Variants in MED16 observed in about 807,000 individuals in gnomAD.
MED16 encodes mediator complex subunit 16.
In MED16, 81 loss-of-function variants were observed where a neutral mutation model predicts 84.4. The ratio of observed to expected loss-of-function variants is 0.96; its 90% confidence interval spans 0.80 to 1.15. The LOEUF (loss-of-function observed/expected upper bound fraction) is 1.15. Ranked by LOEUF, MED16 falls within the 50% of genes most tolerant of loss-of-function variation. The pLI, the probability that MED16 is intolerant of heterozygous loss-of-function variation, is 0.00. For synonymous variants in MED16, 897 were observed against 552.2 expected (o/e 1.62, Z -8.76); for missense variants, 1,585 against 1,245.9 (o/e 1.27, Z -4.10).
chr19:870,566 CAAAAAAAAA>C (rs1227950208), intron 13 of MED16, among the ~76,000 whole-genome samples: 1 of 103,702 alleles, frequency 9.6e-6, no homozygotes, highest in Admixed American at 1.1e-4. Flanking sequence ...GTCGGGGAGA[CAAAAAAAAA>C]AAAAAAAAGG....
intron 7 of MED16, among the ~76,000 whole-genome samples, chr19:880,708 T>A (rs2036402658): frequency 6.6e-6 from 1 of 152,058 alleles, no homozygotes; most frequent in African/African-American, 2.4e-5. Context: ...TTGCCTGAGC[T>A]CAGGGGTTCG....
intron 3 of MED16, 136 bp from the exon 4 acceptor site, chr19:889,943 G>GC: frequency 1.9e-6 from 2 of 1,067,122 alleles, no homozygotes; most frequent in Non-Finnish European, 1.3e-6. Flanking sequence ...GTGGCACAAG[G>GC]CGCACTCCAG....
At chr19:889,361 C>T (rs73505582) in intron 4 of MED16, among the ~76,000 whole-genome samples, 2,771 of 151,810 alleles carry the variant, frequency 0.018, 74 homozygotes, top group African/African-American at 0.063. Context: ...AGATAACTCA[C>T]TAAGAACGGC....
chr19:876,105 G>A lies in MED16; in HGVS notation c.1561-651C>T, dbSNP rs1020497035. Among the ~76,000 whole-genome samples, 3 of 152,192 alleles carry A rather than the reference G, an allele frequency of 2.0e-5. No homozygotes were observed. The East Asian group carries it at 5.8e-4, about 29-fold the overall frequency. On this transcript the variant is annotated intron_variant, in intron 9 of 15. Transcript: ENST00000325464. The stretch of plus-strand genomic sequence containing the variant: ...CTCGCAGCCCCCGCCTGGGTCTCAC[G>A]CGTTTCTCGGCAGGCTGTGCCGTGA...
At chr19:875,216 G>C (rs975336643) in intron 10 of MED16, 28 bp downstream of exon 10, 7 of 1,458,898 alleles carry the variant, frequency 4.8e-6, no homozygotes, top group Non-Finnish European at 6.5e-6. Flanking sequence ...AAGAAACCTC[G>C]AGGCCCCGGG....
In MED16 at chr19:873,588, A is replaced by G. The variant is rs774869125; in HGVS notation, c.1772-6T>C. 6.2e-7 allele frequency: 1 copy of G among 1,611,958 alleles called. No homozygotes were observed. The highest frequency in any genetic ancestry group is 8.5e-7 in the Non-Finnish European group (1 of 1,179,588). ...GATCATGACCTTGTCAATGTCTACA[A>G]GGAGACGTGGGTCGGGTCAGCTCGG... On this transcript the variant is annotated splice_polypyrimidine_tract_variant and splice_region_variant and intron_variant, in intron 10 of 15. Coordinates refer to ENST00000325464, the MANE Select transcript of MED16 (RefSeq NM_005481.3).
rs763877714 is a variant in MED16 at position 889,704 on chromosome 19, C to T, written c.381G>A (p.Glu127=). The T allele has an allele frequency of 6.2e-6, 10 of 1,613,858 alleles. No individual in the cohort carries two copies. The East Asian group carries it at 2.0e-4, about 32-fold the overall frequency. ...AGGACAGGGCCACAATGGGGTCCCCCTCCACTAGGCTGCCCACTGAGCTCT... is the reference window on the plus strand; with the variant it reads ...AGGACAGGGCCACAATGGGGTCCCCTTCCACTAGGCTGCCCACTGAGCTCT... ...SWESSVGSLV[E]GDPIVALSWL... is the part of the protein sequence containing the mutation. The change falls in exon 4 of 16, where the codon GAG becomes GAA. Residue 127 remains glutamate (E), a synonymous_variant. Coordinates refer to ENST00000325464, the MANE Select transcript of MED16 (RefSeq NM_005481.3).
rs541515071 is a variant in MED16 at position 885,650 on chromosome 19, G to A, written c.879+120C>T. ...CCCCTGGAGCCCCCGGGAGGGACCG[G>A]CCCTGCCCACACCACGGTTTAGCCC... On this transcript the variant is annotated intron_variant, in intron 5 of 15. Transcript: ENST00000325464. 28 of 1,221,798 alleles carry A rather than the reference G, an allele frequency of 2.3e-5. No individual in the cohort carries two copies. In the South Asian group the frequency reaches 3.0e-4, roughly 13 times the overall value. The allele number at this position is 1,221,798 out of a possible 1,614,324, so 75.7% of individuals were successfully genotyped here. A position where few individuals can be genotyped will look rare whatever the true frequency, so the allele number is the denominator to read the frequency against.
In MED16 at chr19:868,857, C is replaced by G. The variant is rs540982672; in HGVS notation, c.2399+6G>C. 211 of 1,546,854 alleles carry G rather than the reference C, an allele frequency of 1.4e-4. No individual in the cohort carries two copies. Among genetic ancestry groups the G allele is most frequent in the Non-Finnish European group, 1.8e-4 (202 of 1,148,050 alleles). On this transcript the variant is annotated splice_donor_region_variant and intron_variant, in intron 14 of 15. Coordinates refer to ENST00000325464, the MANE Select transcript of MED16 (RefSeq NM_005481.3). Reference sequence around the variant, plus strand: ...CTGGGAGTCAGCGGTTCCGGGGGCCCCTCACCTGGTGCAGGCCTTGCATTC... The same window carrying G: ...CTGGGAGTCAGCGGTTCCGGGGGCCGCTCACCTGGTGCAGGCCTTGCATTC...
intron 14 of MED16, 35 bp downstream of exon 14, chr19:868,828 A>G (rs1420372294): frequency 1.3e-6 from 2 of 1,535,850 alleles, no homozygotes; most frequent in Non-Finnish European, 1.8e-6. Context: ...CCAGCGGCAC[A>G]TCTCTGGGAG....
intron 11 of MED16, chr19:872,798 GCA>G (rs1184827544): frequency 7.6e-5 from 17 of 224,444 alleles, no homozygotes; most frequent in Admixed American, 3.0e-4. Flanking sequence ...GGCAGCAGCA[GCA>G]GAAGCAAGGC....
chr19:892,872 T>C (rs1269853571), intron 1 of MED16: 12 of 103,072 alleles, frequency 1.2e-4, no homozygotes, highest in East Asian at 8.5e-4. Flanking sequence ...CCGCAAACCC[T>C]GAGCCCCGAG....
At chr19:887,132 C>A (rs1030850965) in intron 4 of MED16, among the ~76,000 whole-genome samples, 9 of 151,600 alleles carry the variant, frequency 5.9e-5, no homozygotes, top group East Asian at 1.9e-4. Context: ...TGAAAAAATG[C>A]GAGGAAGAGA....
At position 877,000 on chromosome 19, in the gene MED16, T is replaced by C. The variant is rs1366059277; in HGVS notation, c.1534A>G (p.Thr512Ala). The change falls in exon 9 of 16, where the codon ACG becomes GCG. Residue 512 changes from threonine to alanine, a missense_variant. Physicochemically the swap from Thr to Ala is moderately conservative, Grantham distance 58 (BLOSUM62 0). Coordinates refer to ENST00000325464, the MANE Select transcript of MED16 (RefSeq NM_005481.3). ...TGCTGCAGGGCAGCGGTCTGGCGCG[T>C]GTACTCCTCGTGCAGCTTCTCCACC... The part of the protein sequence containing the change: ...SLVEKLHEEY[T>A]RQTAALQQVL... 13 of 1,608,274 alleles carry C rather than the reference T, an allele frequency of 8.1e-6. No homozygotes were observed. Among genetic ancestry groups the C allele is most frequent in the Non-Finnish European group, 1.1e-5 (13 of 1,178,582 alleles).
At chr19:891,323 T>C (rs573058279) in intron 1 of MED16, among the ~76,000 whole-genome samples, 174 bp from the exon 2 acceptor site, 48 of 151,474 alleles carry the variant, frequency 3.2e-4, no homozygotes, top group Non-Finnish European at 6.0e-4. Context: ...CATGGAGAGG[T>C]CAGGGCCAGT....
intron 6 of MED16, among the ~76,000 whole-genome samples, chr19:882,248 C>G (rs1370740929): frequency 6.6e-6 from 1 of 152,276 alleles, no homozygotes; most frequent in African/African-American, 2.4e-5. Flanking sequence ...CAGCTCACAT[C>G]TGCCACCCCA....
At chr19:874,891 C>G (rs1040358105) in intron 10 of MED16, among the ~76,000 whole-genome samples, 8 of 152,106 alleles carry the variant, frequency 5.3e-5, no homozygotes, top group Non-Finnish European at 8.8e-5. Flanking sequence ...GTGGTGTAAT[C>G]CCAGCCTTTA....
rs201690635 is a variant in MED16 at position 871,963 on chromosome 19, G to A, written c.2061C>T (p.Ser687=). The A allele has an allele frequency of 3.8e-5, 61 of 1,606,340 alleles. No homozygotes were observed. Among genetic ancestry groups the A allele is most frequent in the East Asian group, 1.8e-4 (8 of 44,594 alleles). The change falls in exon 12 of 16, where the codon TCC becomes TCT. Residue 687 remains serine (S), a synonymous_variant. Coordinates refer to ENST00000325464, the MANE Select transcript of MED16 (RefSeq NM_005481.3). ...GCTTGGTGAGCAGGCGGAAGAGCAG[G>A]GACATGCTGTCCTGGGTATCCGAGG... ...TATSDTQDSM[S]LLFRLLTKLW...
At chr19:885,715 A>C in intron 5 of MED16, 55 bp downstream of exon 5, 2 of 1,574,112 alleles carry the variant, frequency 1.3e-6, no homozygotes, top group African/African-American at 1.3e-5. Flanking sequence ...GGACCCTGAG[A>C]AGCAGTGCTT....
Sources: gnomAD v4.1 joint callset for allele counts (sites outside exome capture counted in the v4.1 genomes callset) on GRCh38, gnomAD v4.1.1 for gene constraint, MANE v1.5 for transcripts, NCBI Gene and HGNC (gene_info 2026-07-23, HGNC 2026-07-21) for gene names.